Variants in CENPE observed in about 807,000 individuals in gnomAD.
The protein encoded by CENPE is centromere protein E.
In CENPE, 145 loss-of-function variants were observed where a neutral mutation model predicts 336.1. The ratio of observed to expected loss-of-function variants is 0.43; its 90% CI spans 0.38 to 0.50. The LOEUF (loss-of-function observed/expected upper bound fraction) is 0.50. Ranked by LOEUF, CENPE falls within the 20% of genes least tolerant of loss-of-function variation. CENPE has a pLI of 0.00. For synonymous variants in CENPE, 1,013 were observed against 984.8 expected (o/e 1.03, Z -0.54); for missense variants, 2,719 against 3,023.3 (o/e 0.90, Z 2.36).
At chr4:103,182,511 A>G (rs781700120) in intron 11 of CENPE, among the ~76,000 whole-genome samples, 1 of 152,232 alleles carries the variant, frequency 6.6e-6, no homozygotes, top group African/African-American at 2.4e-5. Context: ...ATTAAGTACA[A>G]AAAGTGAGTT....
chr4:103,144,565 A>T lies in CENPE; in HGVS notation c.4911T>A (p.Asn1637Lys), dbSNP rs1029224184. Residue 1637 changes from asparagine (N) to lysine (K), a missense_variant, in exon 33 of 49, where the codon AAT (asparagine) becomes AAA (lysine). This residue lies in a region of CENPE where 2,437 missense variants were observed against 2,513.3 expected (regional missense o/e 0.97). Transcript: ENST00000265148. ...TTTCACACATTTTCTCCTGAGTCTC[A>T]TTGACAGCTGTCATCTTAAGAAACT... ...EYQFLKMTAV[N>K]ETQEKMCEIE... 1 of 1,613,018 alleles carries T rather than the reference A, an allele frequency of 6.2e-7. No homozygotes were observed. The highest frequency in any genetic ancestry group is 8.5e-7 in the Non-Finnish European group (1 of 1,179,274).
chr4:103,145,241 G>A lies in CENPE; in HGVS notation c.4666C>T (p.His1556Tyr). 1.9e-6 allele frequency: 3 copies of A among 1,613,450 alleles called. No homozygotes were observed. The highest frequency in any genetic ancestry group is 2.5e-6 in the Non-Finnish European group (3 of 1,179,640). ...AGTGCTGAATCCTTGGCTTTGCGAT[G>A]CTCCTTGAATTGTTTCAGTTCATTC... ...KVNELKQFKE[H>Y]RKAKDSALQS... The change falls in exon 32 of 49, where the codon CAT (histidine) becomes TAT (tyrosine). Residue 1556 changes from histidine to tyrosine, a missense_variant. By Grantham distance (83) the His-to-Tyr change is moderately conservative. Around this residue, in one of 5 missense-constraint regions of CENPE, gnomAD observed 2,437 missense variants for 2,513.3 expected, o/e 0.97. Coordinates refer to ENST00000265148, the MANE Select transcript of CENPE (RefSeq NM_001813.3).
In CENPE at chr4:103,149,232, A is replaced by C. The variant is rs1753335435; in HGVS notation, c.3573T>G (p.Asn1191Lys). 1 of 1,612,524 alleles carries C rather than the reference A, an allele frequency of 6.2e-7. No homozygotes were observed. The highest frequency in any genetic ancestry group is 8.5e-7 in the Non-Finnish European group (1 of 1,179,682). The change falls in exon 27 of 49, where the codon AAT becomes AAG. Residue 1191 changes from asparagine to lysine, a missense_variant. Physicochemically the swap from Asn to Lys is moderately conservative, Grantham distance 94 (BLOSUM62 0). This residue lies in a region of CENPE where 2,437 missense variants were observed against 2,513.3 expected (regional missense o/e 0.97). Transcript: ENST00000265148. ...TGGTTATAGATTTCACTTCCTCATA[A>C]TTTTCATTAAGTTTCTGAGCCAACT... ...RLELAQKLNE[N>K]YEEVKSITKE...
Position 103,158,387 on chromosome 4 carries a change from T to A in CENPE, c.2946A>T (p.Thr982=). Residue 982 remains threonine (T), a synonymous_variant, in exon 24 of 49, where the codon ACA becomes ACT. Coordinates refer to ENST00000265148, the MANE Select transcript of CENPE (RefSeq NM_001813.3). The stretch of plus-strand genomic sequence containing the variant: ...CTTCCTCAGAAATTTTCGATTTTAG[T>A]GTATTAATTGTTTCTTGATGTTGTT... ...SLKQHQETIN[T]LKSKISEEVS... is the part of the protein sequence containing the mutation. The A allele has an allele frequency of 6.2e-7, 1 of 1,609,094 alleles. No homozygotes were observed. Among genetic ancestry groups the A allele is most frequent in the Non-Finnish European group, 8.5e-7 (1 of 1,177,550 alleles).
rs758564765 is a variant in CENPE at position 103,161,462 on chromosome 4, A to C, written c.1843-5T>G. The C allele has an allele frequency of 3.8e-6, 6 of 1,576,272 alleles. No individual in the cohort carries two copies. In the South Asian group the frequency reaches 7.3e-5, roughly 19 times the overall value. ...TTTTGGGTCTTCAATGCTTTCCTAGACAGATGACAAAAGGGGTTCACTGAA... is the reference window on the plus strand; with the variant it reads ...TTTTGGGTCTTCAATGCTTTCCTAGCCAGATGACAAAAGGGGTTCACTGAA... On this transcript the variant is annotated splice_polypyrimidine_tract_variant and splice_region_variant and intron_variant, in intron 18 of 48. Coordinates refer to ENST00000265148, the MANE Select transcript of CENPE (RefSeq NM_001813.3).
chr4:103,145,750 C>A lies in CENPE; in HGVS notation c.4414-69G>T, dbSNP rs113125138. 101 of 1,510,098 alleles carry A rather than the reference C, an allele frequency of 6.7e-5. No individual in the cohort carries two copies. The African/African-American group carries it at 1.1e-3, about 16-fold the overall frequency. The allele number at this position is 1,510,098 out of a possible 1,614,324, so 93.5% of individuals were successfully genotyped here. A position where few individuals can be genotyped will look rare whatever the true frequency, so the allele number is the denominator to read the frequency against. ...TAACTATTTTGTTGTAATTAACTCC[C>A]CTTTCCAAATATTTAGGGTTTATAA... On this transcript the variant is annotated intron_variant, in intron 30 of 48. Transcript: ENST00000265148.
At chr4:103,191,569 G>A (rs1301667029) in intron 8 of CENPE, among the ~76,000 whole-genome samples, 1 of 146,450 alleles carries the variant, frequency 6.8e-6, no homozygotes, top group Non-Finnish European at 1.5e-5. Context: ...AACACCGCAT[G>A]TTCTCACTCA....
At chr4:103,190,238 T>C (rs979933440) in intron 8 of CENPE, among the ~76,000 whole-genome samples, 2 of 152,120 alleles carry the variant, frequency 1.3e-5, no homozygotes, top group Non-Finnish European at 1.5e-5. Flanking sequence ...TATAGATTCA[T>C]TGCCATCCCC....
chr4:103,130,266 A>G (rs1013540069), intron 42 of CENPE, among the ~76,000 whole-genome samples: 1 of 152,220 alleles, frequency 6.6e-6, no homozygotes, highest in African/African-American at 2.4e-5. Flanking sequence ...CTACATAGAA[A>G]ATCTGAAGGC....
At chr4:103,144,955 A>G in intron 32 of CENPE, 95 bp downstream of exon 32, 1 of 1,160,340 alleles carries the variant, frequency 8.6e-7, no homozygotes. Context: ...CTTTATGATT[A>G]GAGGAAAATT....
rs1425990215 is a variant in CENPE, at chr4:103,161,210, A to C, written c.2007T>G (p.Ile669Met). 5 of 1,609,510 alleles carry C rather than the reference A, an allele frequency of 3.1e-6. No homozygotes were observed. The highest frequency in any genetic ancestry group is 4.2e-6 in the Non-Finnish European group (5 of 1,178,568). ...ATTYKQMEND[I>M]QLYQSQLEAK... ...CCTCCAACTGGCTTTGATATAACTGAATATCATTTTCCATTTGCTTGTATG... is the reference window on the plus strand; with the variant it reads ...CCTCCAACTGGCTTTGATATAACTGCATATCATTTTCCATTTGCTTGTATG... Residue 669 changes from isoleucine (I) to methionine (M), a missense_variant, in exon 20 of 49, where the codon ATT becomes ATG. Ile to Met is a conservative substitution (Grantham distance 10, BLOSUM62 1). This residue lies in a region of CENPE where 2,437 missense variants were observed against 2,513.3 expected (regional missense o/e 0.97). Coordinates refer to ENST00000265148, the MANE Select transcript of CENPE (RefSeq NM_001813.3).
At chr4:103,125,796 C>T (rs1234508410) in intron 42 of CENPE, among the ~76,000 whole-genome samples, 2 of 134,186 alleles carry the variant, frequency 1.5e-5, no homozygotes, top group South Asian at 2.5e-4. Context: ...ACCCAGGAGG[C>T]GGAGGTTGCA....
intron 38 of CENPE, 140 bp downstream of exon 38, chr4:103,139,648 TA>T: frequency 1.5e-6 from 1 of 680,408 alleles, no homozygotes; most frequent in Non-Finnish European, 2.2e-6. Context: ...TTCTATTGTG[TA>T]AAAATTAGAG....
At chr4:103,170,197 T>C (rs577753049) in intron 16 of CENPE, among the ~76,000 whole-genome samples, 2 of 152,262 alleles carry the variant, frequency 1.3e-5, no homozygotes, top group East Asian at 1.9e-4. Flanking sequence ...GACGAGTTAA[T>C]GGGTGCAGCA....
chr4:103,136,486 T>G, intron 39 of CENPE, 127 bp from the exon 40 acceptor site: 1 of 570,758 alleles, frequency 1.8e-6, no homozygotes, highest in Non-Finnish European at 2.9e-6. Context: ...ATAAAGACCT[T>G]TGTGTCTAAA....
rs1411800714 is a variant in CENPE, at chr4:103,138,400, C to T, written c.6254G>A (p.Gly2085Glu). 1.2e-6 allele frequency: 2 copies of T among 1,613,712 alleles called. No individual in the cohort carries two copies. Among genetic ancestry groups the T allele is most frequent in the Non-Finnish European group, 1.7e-6 (2 of 1,179,706 alleles). ...VKPEKRLLSD[G>E]QQHLTESLRE... ...CAGGCTTTCCGTAAGGTGCTGTTGTCCATCACTTAGTAACCTTTTTTCAGG... is the reference window on the plus strand; with the variant it reads ...CAGGCTTTCCGTAAGGTGCTGTTGTTCATCACTTAGTAACCTTTTTTCAGG... The change falls in exon 39 of 49, where the codon GGA (glycine) becomes GAA (glutamate). Residue 2085 changes from glycine (G) to glutamate (E), a missense_variant. Around this residue, in one of 5 missense-constraint regions of CENPE, gnomAD observed 2,437 missense variants for 2,513.3 expected, o/e 0.97. Transcript: ENST00000265148.
At chr4:103,121,576 C>A (rs908308813) in intron 43 of CENPE, among the ~76,000 whole-genome samples, 5 of 145,874 alleles carry the variant, frequency 3.4e-5, no homozygotes, top group African/African-American at 1.3e-4. Context: ...TGAGGCAGTG[C>A]CTCACTCTGT....
In CENPE at chr4:103,106,184, A is replaced by G; in HGVS notation, c.*38T>C. 1 of 1,355,942 alleles carries G rather than the reference A, an allele frequency of 7.4e-7. No homozygotes were observed. Among genetic ancestry groups the G allele is most frequent in the South Asian group, 1.5e-5 (1 of 66,042 alleles). 84.0% of individuals were successfully genotyped at this position (1,355,942 alleles called of 1,614,324 possible). ...ACATAAACAAAGTCATTTCCAAATA[A>G]GGAATGCTGGATCTCCAGAGAAGTG... On this transcript the variant is annotated 3_prime_UTR_variant, in exon 49 of 49. Transcript: ENST00000265148.
At chr4:103,109,303 T>C (rs1749183876) in intron 47 of CENPE, among the ~76,000 whole-genome samples, 2 of 152,192 alleles carry the variant, frequency 1.3e-5, no homozygotes, top group Admixed American at 1.3e-4. Context: ...ATAAATTGAA[T>C]AATATAGTAA....
Sources: gnomAD v4.1 joint callset for allele counts (sites outside exome capture counted in the v4.1 genomes callset) on GRCh38, gnomAD v4.1.1 for gene constraint, gnomAD v4.1.1 regional missense constraint, MANE v1.5 for transcripts, NCBI Gene and HGNC (gene_info 2026-07-23, HGNC 2026-07-21) for gene names.